The following HLA-DPA1 variants were observed in gnomAD, a reference collection of about 807,000 sequenced individuals.
HLA-DPA1 encodes the protein major histocompatibility complex, class II, DP alpha 1.
A neutral mutation model predicts 21.5 loss-of-function variants in HLA-DPA1; 20 were observed. The observed-to-expected ratio is 0.93, with a 90% CI of 0.66 to 1.35. The LOEUF is 1.35. Among genes scored for constraint, HLA-DPA1 ranks in the 40% most tolerant of loss-of-function variants. The probability of loss-of-function intolerance (pLI) is 0.00; values close to 1 mark genes in which losing one functional copy is unlikely to be tolerated. For missense variants in HLA-DPA1, 279 were observed against 323.0 expected (o/e 0.86, Z 1.05); for synonymous variants, 123 against 129.6 (o/e 0.95, Z 0.35).
rs554233868 is a variant in HLA-DPA1 at position 33,078,928 on chromosome 6, G to A, written c.-100+1752C>T. Among the ~76,000 whole-genome samples, 8 of 152,314 alleles carry A rather than the reference G, an allele frequency of 5.3e-5. 1 individual carries two copies. The highest frequency in any genetic ancestry group is 1.9e-4 in the African/African-American group (8 of 41,562). On this transcript the variant is annotated intron_variant, in intron 1 of 5. Coordinates refer to ENST00000419277, the Ensembl canonical transcript of HLA-DPA1. ...ATGGATGGCAGAGGAGGAGGAATCT[G>A]GACTCAAGGAGCTGGGGGGCTCTGG...
exon 6 of HLA-DPA1, chr6:33,065,301 G>A (rs1347053119): frequency 6.6e-6 from 1 of 152,296 alleles, no homozygotes; most frequent in Non-Finnish European, 1.5e-5. Flanking sequence ...AGGGCAGCTG[G>A]AGTTCAGATC....
intron 1 of HLA-DPA1, among the ~76,000 whole-genome samples, chr6:33,078,051 C>T (rs750209862): frequency 2.0e-5 from 3 of 151,898 alleles, no homozygotes; most frequent in Admixed American, 6.6e-5. Context: ...GAGGAAGTGA[C>T]GGATGCAGCG....
chr6:33,071,409 C>T (rs1459822996), intron 2 of HLA-DPA1, among the ~76,000 whole-genome samples: 1 of 152,190 alleles, frequency 6.6e-6, no homozygotes, highest in Non-Finnish European at 1.5e-5. Context: ...ATTGGAAACT[C>T]ATCTTCTTAA....
chr6:33,078,395 C>T (rs1254149435), intron 1 of HLA-DPA1, among the ~76,000 whole-genome samples: 1 of 152,150 alleles, frequency 6.6e-6, no homozygotes, highest in African/African-American at 2.4e-5. Flanking sequence ...CAACTCCACA[C>T]ACATCCCCAA....
intron 1 of HLA-DPA1, chr6:33,079,519 C>T (rs1467000325): frequency 5.5e-6 from 2 of 363,000 alleles, no homozygotes. Flanking sequence ...TCATGAGGCA[C>T]CAATCAGACT....
chr6:33,073,860 G>A, intron 1 of HLA-DPA1: 1 of 361,502 alleles, frequency 2.8e-6, no homozygotes, highest in Non-Finnish European at 5.0e-6. Flanking sequence ...AGAAAGAGAT[G>A]TAAAAAGATA....
At chr6:33,072,573 G>T (rs551325137) in intron 2 of HLA-DPA1, among the ~76,000 whole-genome samples, 1 of 152,236 alleles carries the variant, frequency 6.6e-6, no homozygotes, top group East Asian at 1.9e-4. Flanking sequence ...GATACTTCTG[G>T]TTCTACCCAG....
intron 1 of HLA-DPA1, chr6:33,075,935 G>A (rs1473080750): frequency 7.8e-6 from 6 of 769,934 alleles, no homozygotes; most frequent in African/African-American, 1.8e-5. Flanking sequence ...GGTCACAGAA[G>A]ACTACTTGGG....
chr6:33,069,020 C>T lies in HLA-DPA1; in HGVS notation c.627G>A (p.Trp209Ter). The change falls in exon 4 of 6, where the codon TGG (tryptophan) becomes TGA (stop). Residue 209 changes from tryptophan to a stop codon, truncating the protein, a stop_gained and splice_region_variant. Transcript: ENST00000419277. LOFTEE classifies it high-confidence loss of function. Reference sequence around the variant, plus strand: ...ATGGAGAGAAAAGCAGTTGCATACCCCAGTGCTTGAGGAGCGGCTGGTCCA... The same window carrying T: ...ATGGAGAGAAAAGCAGTTGCATACCTCAGTGCTTGAGGAGCGGCTGGTCCA... 6.2e-7 allele frequency: 1 copy of T among 1,612,780 alleles called. No individual in the cohort carries two copies. Among genetic ancestry groups the T allele is most frequent in the East Asian group, 2.2e-5 (1 of 44,874 alleles).
At chr6:33,070,592 C>A (rs2301224) in intron 2 of HLA-DPA1, among the ~76,000 whole-genome samples, 43,539 of 152,044 alleles carry the variant, frequency 0.29, 8,166 homozygotes, top group East Asian at 0.66. Flanking sequence ...GAACATGAAA[C>A]TGTAGAATGT....
At chr6:33,064,889 C>G (rs1392652464) in exon 6 of HLA-DPA1, 1 of 152,220 alleles carries the variant, frequency 6.6e-6, no homozygotes, top group East Asian at 1.9e-4. Context: ...CCTTTCCGTT[C>G]AAGTGGGATC....
intron 1 of HLA-DPA1, chr6:33,076,071 C>T: frequency 6.2e-7 from 1 of 1,612,632 alleles, no homozygotes; most frequent in Non-Finnish European, 8.5e-7. Flanking sequence ...CTGCGGCCCC[C>T]CGGACAGTGG....
At chr6:33,070,228 C>T (rs552783539) in intron 2 of HLA-DPA1, among the ~76,000 whole-genome samples, 1 of 145,742 alleles carries the variant, frequency 6.9e-6, no homozygotes, top group South Asian at 2.2e-4. Flanking sequence ...TGCCAGGCAT[C>T]CTTCTAAATA....
chr6:33,078,315 G>A (rs982180738), intron 1 of HLA-DPA1, among the ~76,000 whole-genome samples: 18 of 152,242 alleles, frequency 1.2e-4, no homozygotes, highest in African/African-American at 4.1e-4. Flanking sequence ...CCTGCTGGAG[G>A]GAGAGCTGGA....
Position 33,080,514 on chromosome 6 carries a change from C to T in HLA-DPA1, c.-100+166G>A, listed in dbSNP as rs967951653. 9.3e-7 allele frequency: 1 copy of T among 1,070,706 alleles called. No homozygotes were observed. Among genetic ancestry groups the T allele is most frequent in the Non-Finnish European group, 1.4e-6 (1 of 709,828 alleles). 66.3% of individuals were successfully genotyped at this position (1,070,706 alleles called of 1,614,324 possible). ...ACAGGCCTGGAGAGGCTCTGCGACCCGCTTAGGACCACAGAACTCGGTACT... is the reference window on the plus strand; with the variant it reads ...ACAGGCCTGGAGAGGCTCTGCGACCTGCTTAGGACCACAGAACTCGGTACT... On this transcript the variant is annotated intron_variant, in intron 1 of 5. Transcript: ENST00000419277. The surrounding 1 kb of genome is among the most constrained non-coding windows in gnomAD (Gnocchi z 4.3).
At chr6:33,076,166 G>A (rs1264558715) in intron 1 of HLA-DPA1, 1 of 1,509,060 alleles carries the variant, frequency 6.6e-7, no homozygotes, top group Non-Finnish European at 9.1e-7. Context: ...GCCATTCTTG[G>A]AGGGTCTGGC....
chr6:33,075,824 A>C, intron 1 of HLA-DPA1: 2 of 555,084 alleles, frequency 3.6e-6, no homozygotes, highest in Non-Finnish European at 6.4e-6. Flanking sequence ...CACAGGCTTT[A>C]TATTTTCAGA....
intron 5 of HLA-DPA1, chr6:33,066,345 A>G (rs1353450011): frequency 6.6e-6 from 1 of 152,198 alleles, no homozygotes; most frequent in Non-Finnish European, 1.5e-5. Flanking sequence ...CTACTAACCT[A>G]TGGGGAAAAG....
rs894159892 is a variant in HLA-DPA1, at chr6:33,080,414, C to T, written c.-100+266G>A. ...AAGGGACTGCCTTCCCCTCAGTGCT[C>T]GCCCCTCCCTAGTGATCACTCAGTG... On this transcript the variant is annotated intron_variant, in intron 1 of 5. Transcript: ENST00000419277. The surrounding 1 kb of genome is among the most constrained non-coding windows in gnomAD (Gnocchi z 4.3). 8.9e-6 allele frequency: 6 copies of T among 676,718 alleles called. No individual in the cohort carries two copies. The highest frequency in any genetic ancestry group is 1.7e-5 in the Non-Finnish European group (6 of 363,260). The allele number at this position is 676,718 out of a possible 1,614,324, so 41.9% of individuals were successfully genotyped here.
Sources: allele counts gnomAD v4.1 joint callset (sites outside exome capture counted in the v4.1 genomes callset), GRCh38; gene constraint gnomAD v4.1.1; non-coding constraint Gnocchi (gnomAD v3.1); transcripts MANE v1.5; gene names NCBI Gene and HGNC (gene_info 2026-07-23, HGNC 2026-07-21).